CDH13: variants seen among roughly 807,000 people sequenced by gnomAD.
CDH13 encodes the protein cadherin 13, also known as cadherin-13.
In CDH13, 24 loss-of-function variants were observed where a neutral mutation model predicts 63.8. That is an observed-to-expected ratio of 0.38 (90% CI 0.27 to 0.53). The LOEUF is 0.53. Ranked by LOEUF, CDH13 falls within the 20% of genes least tolerant of loss-of-function variation. The pLI is 0.85. For missense variants in CDH13, 1,049 were observed against 903.1 expected (o/e 1.16, Z -2.07); for synonymous variants, 503 against 355.3 (o/e 1.42, Z -4.67).
chr16:83,350,246 G>A (rs1336309501), intron 6 of CDH13, among the ~76,000 whole-genome samples: 12 of 152,180 alleles, frequency 7.9e-5, no homozygotes, highest in Non-Finnish European at 1.8e-4. Flanking sequence ...ACCCCAAATG[G>A]CAGCCAGGGC....
intron 6 of CDH13, among the ~76,000 whole-genome samples, chr16:83,348,560 C>A (rs1292565273): frequency 1.3e-5 from 2 of 152,232 alleles, no homozygotes; most frequent in East Asian, 1.9e-4. Context: ...TCTGCTGTCA[C>A]CATGTTGAAA....
At chr16:83,379,148 A>T (rs2091510805) in intron 6 of CDH13, among the ~76,000 whole-genome samples, 1 of 152,172 alleles carries the variant, frequency 6.6e-6, no homozygotes, top group African/African-American at 2.4e-5. Context: ...GTTGGCAATT[A>T]TTCTTAGCCT....
chr16:83,778,482 A>G (rs557058179), intron 11 of CDH13, among the ~76,000 whole-genome samples: 73 of 151,804 alleles, frequency 4.8e-4, no homozygotes, highest in African/African-American at 1.7e-3. Flanking sequence ...GTAAGCCGAG[A>G]CCACACCACT....
chr16:83,040,674 T>C (rs1917254341), intron 3 of CDH13, among the ~76,000 whole-genome samples: 1 of 152,170 alleles, frequency 6.6e-6, no homozygotes, highest in Non-Finnish European at 1.5e-5. Flanking sequence ...CTGACTCACA[T>C]GTTAATATCC....
chr16:83,717,308 G>A (rs1909065521), intron 10 of CDH13, among the ~76,000 whole-genome samples: 1 of 152,044 alleles, frequency 6.6e-6, no homozygotes, highest in Admixed American at 6.6e-5. Context: ...TGTAGTGATT[G>A]CTTTACTATA....
chr16:82,885,928 A>T (rs2040872608), intron 2 of CDH13, among the ~76,000 whole-genome samples: 1 of 152,196 alleles, frequency 6.6e-6, no homozygotes, highest in East Asian at 1.9e-4. Flanking sequence ...TTCTCAGTAA[A>T]TATTAGCTGT....
intron 7 of CDH13, among the ~76,000 whole-genome samples, chr16:83,516,928 G>GGA (rs2074710346): frequency 6.6e-6 from 1 of 152,246 alleles, no homozygotes; most frequent in Non-Finnish European, 1.5e-5. Flanking sequence ...AGCCAGGAAA[G>GGA]GAGATAAAGT....
intron 1 of CDH13, among the ~76,000 whole-genome samples, chr16:82,846,891 AAAAAT>A (rs1203575200): frequency 6.6e-6 from 1 of 152,236 alleles, no homozygotes; most frequent in African/African-American, 2.4e-5. Context: ...AACAATAGCA[AAAAAT>A]AAAATAAAAC....
At chr16:82,699,198 G>A (rs569434105) in intron 1 of CDH13, among the ~76,000 whole-genome samples, 1 of 152,180 alleles carries the variant, frequency 6.6e-6, no homozygotes, top group South Asian at 2.1e-4. Flanking sequence ...GGAGAGATGG[G>A]AACTTATGTG....
At chr16:83,625,898 A>T (rs1301846609) in intron 8 of CDH13, among the ~76,000 whole-genome samples, 3 of 152,136 alleles carry the variant, frequency 2.0e-5, no homozygotes, top group African/African-American at 7.2e-5. Flanking sequence ...GTGTGATGTG[A>T]GATAGGGCAG....
At position 83,500,307 on chromosome 16, in the gene CDH13, TC is replaced by T. The variant is rs778980196; in HGVS notation, c.960+13654del. 0.075 allele frequency among the ~76,000 whole-genome samples: 164 copies of T among 2,180 alleles called. 55 individuals are homozygous for T. In the East Asian group the frequency reaches 0.9, roughly 12 times the overall value. The allele number at this position is 2,180 out of a possible 152,430, so 1.4% of individuals were successfully genotyped here. ...CTTCTTCTTCTTCTCCTTCTCCTTCTCCTTCTCCTTCTCCTCCTCCTCCTCC... is the reference window on the plus strand; with the variant it reads ...CTTCTTCTTCTTCTCCTTCTCCTTCTCTTCTCCTTCTCCTCCTCCTCCTCC... On this transcript the variant is annotated intron_variant, in intron 7 of 13. Transcript: ENST00000567109.
At chr16:83,728,342 C>CGTGCGTGTGTGTGT (rs1555521386) in intron 10 of CDH13, among the ~76,000 whole-genome samples, 1 of 149,212 alleles carries the variant, frequency 6.7e-6, no homozygotes, top group African/African-American at 2.5e-5. Flanking sequence ...TATGTGTGTG[C>CGTGCGTGTGTGTGT]GTGTGTGTGT....
chr16:83,780,034 C>A lies in CDH13; in HGVS notation c.1748C>A (p.Pro583Gln). The A allele has an allele frequency of 6.2e-7, 1 of 1,613,922 alleles. No homozygotes were observed. Among genetic ancestry groups the A allele is most frequent in the Non-Finnish European group, 8.5e-7 (1 of 1,179,876 alleles). Residue 583 changes from proline (P) to glutamine (Q), a missense_variant, in exon 12 of 14, where the codon CCG becomes CAG. Physicochemically the swap from Pro to Gln is moderately conservative, Grantham distance 76. Transcript: ENST00000567109. ...ITLEDVNDNA[P>Q]FIYPTVAEVC... is the part of the protein sequence containing the mutation. ...CTGGAGGACGTGAATGACAATGCCC[C>A]GTTCATTTACCCCACAGTAGCTGAA...
Position 82,644,788 on chromosome 16 carries a change from C to A in CDH13, c.45+17651C>A, listed in dbSNP as rs1267620867. Reference sequence around the variant, plus strand: ...TTCCAGGTAGCAACAGGAGATCACGCAAAGCCACGTAAGTGTCTGATTCAG... The same window carrying A: ...TTCCAGGTAGCAACAGGAGATCACGAAAAGCCACGTAAGTGTCTGATTCAG... On this transcript the variant is annotated intron_variant, in intron 1 of 13. Transcript: ENST00000567109. This position sits in a 1 kb window ranked among gnomAD's most constrained non-coding sequence, Gnocchi z 5.7. 6.6e-6 allele frequency among the ~76,000 whole-genome samples: 1 copy of A among 152,140 alleles called. No homozygotes were observed. The highest frequency in any genetic ancestry group is 1.5e-5 in the Non-Finnish European group (1 of 68,036).
intron 4 of CDH13, among the ~76,000 whole-genome samples, chr16:83,144,303 C>A (rs1005960340): frequency 1.3e-5 from 2 of 152,140 alleles, no homozygotes; most frequent in Non-Finnish European, 2.9e-5. Flanking sequence ...GTTGAAGTTA[C>A]GTGTAAGTGA....
chr16:83,341,892 C>G (rs77781663), intron 5 of CDH13, among the ~76,000 whole-genome samples: 4,483 of 151,906 alleles, frequency 0.03, 214 homozygotes, highest in African/African-American at 0.1. Context: ...TTTTGTATGG[C>G]TATCTCTTTC....
At chr16:83,360,567 G>A (rs2091142780) in intron 6 of CDH13, among the ~76,000 whole-genome samples, 1 of 152,090 alleles carries the variant, frequency 6.6e-6, no homozygotes, top group African/African-American at 2.4e-5. Context: ...CTGTCACCCA[G>A]GTAGCACCAT....
intron 3 of CDH13, among the ~76,000 whole-genome samples, chr16:83,114,215 A>AT (rs1450673925): frequency 6.6e-6 from 1 of 152,134 alleles, no homozygotes; most frequent in Non-Finnish European, 1.5e-5. Flanking sequence ...CCTTCGATGC[A>AT]TTTTTTATTT....
intron 11 of CDH13, among the ~76,000 whole-genome samples, chr16:83,770,046 G>A (rs944045843): frequency 2.6e-5 from 4 of 152,054 alleles, no homozygotes; most frequent in African/African-American, 7.2e-5. Context: ...TGCAATTCCC[G>A]TCAACCCTGT....
Sources: gnomAD v4.1 joint callset for allele counts (sites outside exome capture counted in the v4.1 genomes callset) on GRCh38, gnomAD v4.1.1 for gene constraint, Gnocchi (gnomAD v3.1) non-coding constraint, MANE v1.5 for transcripts, NCBI Gene and HGNC (gene_info 2026-07-23, HGNC 2026-07-21) for gene names.